TMEM41B: variants seen among roughly 807,000 people sequenced by gnomAD.
TMEM41B encodes the protein protein stasimon.
TMEM41B carries 18 observed loss-of-function variants against 31.9 expected under a neutral mutation model. The ratio of observed to expected loss-of-function variants is 0.56; its 90% CI spans 0.39 to 0.84. The LOEUF (loss-of-function observed/expected upper bound fraction) is 0.84. TMEM41B is among the 40% of genes least tolerant of loss of function. TMEM41B has a pLI of 0.00. For missense variants in TMEM41B, 322 were observed against 348.0 expected (o/e 0.93, Z 0.59); for synonymous variants, 144 against 124.3 (o/e 1.16, Z -1.05).
In TMEM41B at chr11:9,295,310, T is replaced by G. The variant is rs146853482; in HGVS notation, c.317A>C (p.Lys106Thr). 1.9e-6 allele frequency: 3 copies of G among 1,596,682 alleles called. No individual in the cohort carries two copies. In the East Asian group the frequency reaches 6.7e-5, roughly 36 times the overall value. The change falls in exon 3 of 7, where the codon AAG (lysine) becomes ACG (threonine). Residue 106 changes from lysine to threonine, a missense_variant. Coordinates refer to ENST00000528080, the MANE Select transcript of TMEM41B (RefSeq NM_015012.4). ...KALGKVLSKY[K>T]DTFYVQVLVA... ...AAGTACTTGAACATAAAAGGTGTCC[T>G]TGTATTTGGATAAAACTTTTCCTAG... is the stretch of plus-strand genomic sequence containing the variant.
chr11:9,305,657 T>C (rs956858201), intron 1 of TMEM41B, among the ~76,000 whole-genome samples: 2 of 152,160 alleles, frequency 1.3e-5, no homozygotes, highest in Non-Finnish European at 2.9e-5. Context: ...TTCTTAAAGG[T>C]ATGCTACTTT....
chr11:9,282,251 A>AGGTT lies in TMEM41B; in HGVS notation c.*1172_*1173insAACC. ...AAATTAGCTGGGCACGGTGGCACAC[A>AGGTT]CCTGTAATCCCAGCTACTCAGGAGG... On this transcript the variant is annotated 3_prime_UTR_variant, in exon 7 of 7. Transcript: ENST00000528080. 6.6e-6 allele frequency: 1 copy of AGGTT among 151,906 alleles called. No individual in the cohort carries two copies. The highest frequency in any genetic ancestry group is 1.9e-4 in the East Asian group (1 of 5,140). 9.4% of individuals were successfully genotyped at this position (151,906 alleles called of 1,614,324 possible). A position where few individuals can be genotyped will look rare whatever the true frequency, so the allele number is the denominator to read the frequency against.
chr11:9,314,472 T>C lies in TMEM41B; in HGVS notation c.-31A>G, dbSNP rs767901609. ...CTGCAAGGTGAAGGGAGCGGTGCGGTGCCGCGCCCCCTAAACAACAAAACT... is the reference window on the plus strand; with the variant it reads ...CTGCAAGGTGAAGGGAGCGGTGCGGCGCCGCGCCCCCTAAACAACAAAACT... On this transcript the variant is annotated 5_prime_UTR_variant, in exon 1 of 7. Coordinates refer to ENST00000528080, the MANE Select transcript of TMEM41B (RefSeq NM_015012.4). 5.9e-6 allele frequency: 9 copies of C among 1,538,308 alleles called. No individual in the cohort carries two copies. In the East Asian group the frequency reaches 1.7e-4, roughly 30 times the overall value.
chr11:9,314,474 C>A lies in TMEM41B; in HGVS notation c.-33G>T, dbSNP rs1216101889. On this transcript the variant is annotated 5_prime_UTR_variant, in exon 1 of 7. Transcript: ENST00000528080. The stretch of plus-strand genomic sequence containing the variant: ...GCAAGGTGAAGGGAGCGGTGCGGTG[C>A]CGCGCCCCCTAAACAACAAAACTCT... The A allele has an allele frequency of 2.6e-6, 4 of 1,536,316 alleles. No homozygotes were observed. The highest frequency in any genetic ancestry group is 1.7e-4 in the Middle Eastern group (1 of 5,938).
At position 9,288,460 on chromosome 11, in the gene TMEM41B, G is replaced by C. The variant is rs200007161; in HGVS notation, c.444C>G (p.Ala148=). ...TACTTACCAAACAAACAAGAAATAA[G>C]GCTAGTGGAAAGGGATAAAGAAACC... The part of the protein sequence containing the change: ...LSGFLYPFPL[A]LFLVCLCSGL... The change falls in exon 4 of 7, where the codon GCC becomes GCG. Residue 148 remains alanine (A), a synonymous_variant. Transcript: ENST00000528080. 40 of 1,585,200 alleles carry C rather than the reference G, an allele frequency of 2.5e-5. No individual in the cohort carries two copies. The African/African-American group carries it at 3.1e-4, about 12-fold the overall frequency.
chr11:9,313,059 G>A (rs1853601127), intron 1 of TMEM41B, among the ~76,000 whole-genome samples: 1 of 152,134 alleles, frequency 6.6e-6, no homozygotes, highest in African/African-American at 2.4e-5. Context: ...TACCTCAAAT[G>A]AGATGTCAAT....
At chr11:9,301,597 C>T (rs1853261845) in intron 1 of TMEM41B, among the ~76,000 whole-genome samples, 1 of 152,144 alleles carries the variant, frequency 6.6e-6, no homozygotes, top group South Asian at 2.1e-4. Context: ...AACACCCTTC[C>T]CCTGTCCCAT....
At chr11:9,306,439 T>C (rs1026592429) in intron 1 of TMEM41B, among the ~76,000 whole-genome samples, 2 of 151,788 alleles carry the variant, frequency 1.3e-5, no homozygotes, top group Non-Finnish European at 2.9e-5. Context: ...TCCCAGCACT[T>C]TGGGAGGTCG....
intron 1 of TMEM41B, among the ~76,000 whole-genome samples, chr11:9,303,650 C>CTTTTT (rs71062827): frequency 1.8e-3 from 184 of 104,722 alleles, no homozygotes; most frequent in East Asian, 3.0e-3. Flanking sequence ...TATTCTTTTT[C>CTTTTT]TTTTTTTTTT....
chr11:9,311,807 T>A, intron 1 of TMEM41B: 1 of 549,682 alleles, frequency 1.8e-6, no homozygotes, highest in South Asian at 2.3e-5. Flanking sequence ...AAAATTAGAC[T>A]TTCCGTGTTA....
Position 9,286,594 on chromosome 11 carries a change from C to A in TMEM41B, c.568-1G>T. 6.3e-7 allele frequency: 1 copy of A among 1,593,230 alleles called. No homozygotes were observed. The highest frequency in any genetic ancestry group is 8.5e-7 in the Non-Finnish European group (1 of 1,172,452). Reference sequence around the variant, plus strand: ...TGAGATGTTCTCTATGACGTTCAACCTGTCATAAGAAAGAAAAGAATTAGC... The same window carrying A: ...TGAGATGTTCTCTATGACGTTCAACATGTCATAAGAAAGAAAAGAATTAGC... On this transcript the variant is annotated splice_acceptor_variant, in intron 5 of 6. Coordinates refer to ENST00000528080, the MANE Select transcript of TMEM41B (RefSeq NM_015012.4). LOFTEE classifies it high-confidence loss of function.
At chr11:9,292,410 A>T (rs978661668) in intron 3 of TMEM41B, among the ~76,000 whole-genome samples, 7 of 152,326 alleles carry the variant, frequency 4.6e-5, no homozygotes, top group Middle Eastern at 3.4e-3. Flanking sequence ...ATATACTATG[A>T]AACATAAAGT....
intron 6 of TMEM41B, among the ~76,000 whole-genome samples, chr11:9,286,047 G>A (rs1014023509): frequency 3.9e-5 from 6 of 152,104 alleles, no homozygotes; most frequent in Middle Eastern, 3.4e-3. Flanking sequence ...CCCGGGAGGC[G>A]GAGATTGCAG....
chr11:9,302,320 T>C (rs1260690189), intron 1 of TMEM41B, among the ~76,000 whole-genome samples: 1 of 101,078 alleles, frequency 9.9e-6, no homozygotes, highest in Non-Finnish European at 2.1e-5. Flanking sequence ...ATTTTTCTCT[T>C]GTTTTAACAA....
chr11:9,307,052 T>A (rs1279464775), intron 1 of TMEM41B, among the ~76,000 whole-genome samples: 1 of 152,200 alleles, frequency 6.6e-6, no homozygotes, highest in Admixed American at 6.5e-5. Flanking sequence ...TACCTTTCCT[T>A]TAACTTCCAA....
chr11:9,312,447 G>T (rs1025345339), intron 1 of TMEM41B, among the ~76,000 whole-genome samples: 1 of 152,234 alleles, frequency 6.6e-6, no homozygotes, highest in Admixed American at 6.5e-5. Context: ...GCTGCAGCAA[G>T]CTATGATCAT....
chr11:9,284,527 C>T (rs1270548294), intron 6 of TMEM41B, among the ~76,000 whole-genome samples: 1 of 152,026 alleles, frequency 6.6e-6, no homozygotes, highest in African/African-American at 2.4e-5. Context: ...CCCTGGGAGG[C>T]CAAGGCAGGC....
intron 3 of TMEM41B, among the ~76,000 whole-genome samples, chr11:9,291,032 CTT>C (rs1852946284): frequency 6.6e-6 from 1 of 152,082 alleles, no homozygotes; most frequent in African/African-American, 2.4e-5. Context: ...ACGAGAATCT[CTT>C]GAACCCAGAG....
chr11:9,296,530 G>A (rs1359803374), intron 2 of TMEM41B, among the ~76,000 whole-genome samples: 1 of 148,920 alleles, frequency 6.7e-6, no homozygotes, highest in Non-Finnish European at 1.5e-5. Context: ...GGAGGCTGGG[G>A]CAGGACAATC....
Sources: gnomAD v4.1 joint callset for allele counts (sites outside exome capture counted in the v4.1 genomes callset) on GRCh38, gnomAD v4.1.1 for gene constraint, MANE v1.5 for transcripts, NCBI Gene and HGNC (gene_info 2026-07-23, HGNC 2026-07-21) for gene names.